Variants in XYLT1 observed in about 807,000 individuals in gnomAD.
XYLT1 encodes the protein xylosyltransferase 1, also known as beta-D-xylosyltransferase 1.
Under a neutral mutation model 91.3 loss-of-function variants are expected in XYLT1, and 36 were observed. That is an observed-to-expected ratio of 0.39 (90% CI 0.30 to 0.52). The LOEUF (loss-of-function observed/expected upper bound fraction) is 0.52. XYLT1 is among the 20% of genes least tolerant of loss of function. The pLI is 0.68. For missense variants in XYLT1, 1,242 were observed against 1,284.5 expected (o/e 0.97, Z 0.51); for synonymous variants, 588 against 532.0 (o/e 1.11, Z -1.45).
intron 2 of XYLT1, among the ~76,000 whole-genome samples, chr16:17,262,602 G>T (rs1000398783): frequency 6.6e-6 from 1 of 152,168 alleles, no homozygotes; most frequent in Non-Finnish European, 1.5e-5. Context: ...TGTTAGGATT[G>T]TATGTCCCTA....
chr16:17,109,064 G>A, intron 11 of XYLT1, 47 bp from the exon 12 acceptor site: 4 of 1,480,548 alleles, frequency 2.7e-6, no homozygotes, highest in South Asian at 1.5e-5. Context: ...GCCACCAATA[G>A]GATGCCTATT....
intron 2 of XYLT1, chr16:17,354,642 G>C (rs2035269220): frequency 6.6e-6 from 1 of 152,234 alleles, no homozygotes; most frequent in Non-Finnish European, 1.5e-5. Context: ...TAGAAGCCAA[G>C]TGCACTGGGA....
chr16:17,275,941 C>T (rs535802175), intron 2 of XYLT1, among the ~76,000 whole-genome samples: 5 of 152,074 alleles, frequency 3.3e-5, no homozygotes, highest in African/African-American at 4.8e-5. Context: ...GAAATGCTCA[C>T]GGAGCCAGAG....
intron 2 of XYLT1, chr16:17,338,549 T>C: frequency 4.4e-6 from 2 of 455,832 alleles, no homozygotes; most frequent in Non-Finnish European, 8.8e-6. Flanking sequence ...CAAGGCTCAA[T>C]ATTTTCATCT....
chr16:17,458,487 C>A (rs978696983), intron 1 of XYLT1, among the ~76,000 whole-genome samples: 2 of 152,164 alleles, frequency 1.3e-5, no homozygotes, highest in South Asian at 4.1e-4. Context: ...GGGAGCAATG[C>A]AGACATCAGA....
At position 17,441,177 on chromosome 16, in the gene XYLT1, C is replaced by T. The variant is rs146922494; in HGVS notation, c.363+29257G>A. Among the ~76,000 whole-genome samples, 177 of 151,886 alleles carry T rather than the reference C, an allele frequency of 1.2e-3. 2 individuals are homozygous for T. The highest frequency in any genetic ancestry group is 4.0e-3 in the African/African-American group (165 of 41,466). Reference sequence around the variant, plus strand: ...CGACAGAACGCCTCCCAGGTTCAAGCGATTCTCCTGCCTCAGCCTCTCGAG... The same window carrying T: ...CGACAGAACGCCTCCCAGGTTCAAGTGATTCTCCTGCCTCAGCCTCTCGAG... On this transcript the variant is annotated intron_variant, in intron 1 of 11. Coordinates refer to ENST00000261381, the MANE Select transcript of XYLT1 (RefSeq NM_022166.4).
chr16:17,253,340 T>C (rs554711244), intron 3 of XYLT1, among the ~76,000 whole-genome samples: 2 of 152,164 alleles, frequency 1.3e-5, no homozygotes, highest in African/African-American at 4.8e-5. Context: ...CCAATCTTAT[T>C]AACCAGCTCA....
intron 1 of XYLT1, among the ~76,000 whole-genome samples, chr16:17,381,756 G>A (rs1477827020): frequency 6.6e-6 from 1 of 152,072 alleles, no homozygotes; most frequent in Non-Finnish European, 1.5e-5. Flanking sequence ...AATGGAGATT[G>A]AATTATTAAT....
intron 5 of XYLT1, chr16:17,193,663 C>A (rs556513112): frequency 6.6e-6 from 1 of 152,332 alleles, no homozygotes; most frequent in Admixed American, 6.5e-5. Flanking sequence ...GACTTGGGCA[C>A]TACCGCCCCT....
chr16:17,393,422 C>T (rs1352339625), intron 1 of XYLT1, among the ~76,000 whole-genome samples: 1 of 152,028 alleles, frequency 6.6e-6, no homozygotes, highest in East Asian at 1.9e-4. Context: ...TACATTATAC[C>T]CATGAAGTAA....
At chr16:17,149,733 T>C (rs576769423) in intron 6 of XYLT1, among the ~76,000 whole-genome samples, 1 of 152,268 alleles carries the variant, frequency 6.6e-6, no homozygotes, top group East Asian at 1.9e-4. Flanking sequence ...AGATTTTGAG[T>C]CCTGGAATCA....
rs573172915 is a variant in XYLT1, at chr16:17,389,061, C to G, written c.364-31011G>C. Reference sequence around the variant, plus strand: ...ACGAGTTGTAGCTAAGTCACGTGGGCAACACTGGTTCTTTGCAGCGAGGCA... The same window carrying G: ...ACGAGTTGTAGCTAAGTCACGTGGGGAACACTGGTTCTTTGCAGCGAGGCA... On this transcript the variant is annotated intron_variant, in intron 1 of 11. Transcript: ENST00000261381. Among the ~76,000 whole-genome samples the G allele has an allele frequency of 4.7e-4, 71 of 152,266 alleles. 2 individuals are homozygous for G. In the South Asian group the frequency reaches 0.014, roughly 29 times the overall value.
intron 1 of XYLT1, among the ~76,000 whole-genome samples, chr16:17,372,602 T>C (rs187674166): frequency 6.6e-6 from 1 of 152,240 alleles, no homozygotes; most frequent in Non-Finnish European, 1.5e-5. Flanking sequence ...CTGGCCCATT[T>C]TTAAGAGAAA....
intron 2 of XYLT1, among the ~76,000 whole-genome samples, chr16:17,343,381 T>C (rs2035093031): frequency 6.6e-6 from 1 of 152,166 alleles, no homozygotes; most frequent in Non-Finnish European, 1.5e-5. Flanking sequence ...CAGGCATAGG[T>C]GGGCTTGGGG....
intron 3 of XYLT1, among the ~76,000 whole-genome samples, chr16:17,203,990 T>C (rs112899707): frequency 3.0e-4 from 46 of 152,346 alleles, no homozygotes; most frequent in African/African-American, 1.0e-3. Context: ...ATGCATCCAT[T>C]GTTATTTGAC....
At chr16:17,368,879 C>T (rs1409812325) in intron 1 of XYLT1, among the ~76,000 whole-genome samples, 1 of 151,884 alleles carries the variant, frequency 6.6e-6, no homozygotes, top group African/African-American at 2.4e-5. Context: ...TCAGTGTGCC[C>T]AGTTTGCTTT....
At chr16:17,151,502 T>C (rs560205120) in intron 6 of XYLT1, among the ~76,000 whole-genome samples, 1 of 152,258 alleles carries the variant, frequency 6.6e-6, no homozygotes, top group South Asian at 2.1e-4. Context: ...CTGTGTGTTA[T>C]TTAATCTTTC....
chr16:17,418,952 T>C (rs889111491), intron 1 of XYLT1, among the ~76,000 whole-genome samples: 1 of 151,620 alleles, frequency 6.6e-6, no homozygotes, highest in Non-Finnish European at 1.5e-5. Context: ...AGCGCTGCTG[T>C]AGGCGATATC....
intron 2 of XYLT1, among the ~76,000 whole-genome samples, chr16:17,339,042 G>T (rs1228371725): frequency 6.6e-6 from 1 of 152,214 alleles, no homozygotes; most frequent in African/African-American, 2.4e-5. Flanking sequence ...AAAAAAGAGA[G>T]AGATAGATGG....
Sources: gnomAD v4.1 joint callset for allele counts (sites outside exome capture counted in the v4.1 genomes callset) on GRCh38, gnomAD v4.1.1 for gene constraint, MANE v1.5 for transcripts, NCBI Gene and HGNC (gene_info 2026-07-23, HGNC 2026-07-21) for gene names.